The following NADK2 variants were observed in gnomAD, a reference collection of about 807,000 sequenced individuals.
The protein encoded by NADK2 is NAD kinase 2, mitochondrial.
A neutral mutation model predicts 62.1 loss-of-function variants in NADK2; 35 were observed. That is an observed-to-expected ratio of 0.56 (90% CI 0.43 to 0.75). The LOEUF is 0.75. Ranked by LOEUF, NADK2 falls within the 30% of genes least tolerant of loss-of-function variation. The pLI is 0.00. For missense variants in NADK2, 439 were observed against 561.3 expected (o/e 0.78, Z 2.20); for synonymous variants, 205 against 207.9 (o/e 0.99, Z 0.12).
chr5:36,198,897 C>T (rs373309128), intron 10 of NADK2, among the ~76,000 whole-genome samples: 3 of 151,638 alleles, frequency 2.0e-5, no homozygotes, highest in Non-Finnish European at 4.4e-5. Context: ...AACTGTCCCC[C>T]CAACAAAGGA....
chr5:36,195,750 T>A (rs973950998), intron 11 of NADK2, among the ~76,000 whole-genome samples: 5 of 152,154 alleles, frequency 3.3e-5, no homozygotes, highest in Non-Finnish European at 7.4e-5. Context: ...AGGAATCAAC[T>A]CTTACCCAGC....
rs140839688 is a variant in NADK2, at chr5:36,229,735, C to T, written c.301-2170G>A. 9.7e-4 allele frequency among the ~76,000 whole-genome samples: 146 copies of T among 151,220 alleles called. 1 individual carries two copies. Among genetic ancestry groups the T allele is most frequent in the African/African-American group, 3.4e-3 (142 of 41,330 alleles). ...ATTTATTCAACTGCTTATTTGACAT[C>T]TTTCTTTGGCTATCTAACAGGCACC... On this transcript the variant is annotated intron_variant, in intron 1 of 11. Coordinates refer to ENST00000381937, the MANE Select transcript of NADK2 (RefSeq NM_001085411.3).
chr5:36,215,836 A>G (rs1030394581), intron 6 of NADK2, among the ~76,000 whole-genome samples: 3 of 151,930 alleles, frequency 2.0e-5, no homozygotes, highest in South Asian at 4.1e-4. Context: ...TTCCATATTC[A>G]TTTATCTACT....
At chr5:36,215,807 T>A (rs542616865) in intron 6 of NADK2, among the ~76,000 whole-genome samples, 7 of 152,310 alleles carry the variant, frequency 4.6e-5, no homozygotes, top group Non-Finnish European at 7.4e-5. Flanking sequence ...GAGTACTCCA[T>A]TGTGTATATA....
At chr5:36,239,885 T>C (rs572182482) in intron 1 of NADK2, among the ~76,000 whole-genome samples, 1 of 152,288 alleles carries the variant, frequency 6.6e-6, no homozygotes. Flanking sequence ...ACATAGGAAG[T>C]TAACCACACA....
chr5:36,208,030 T>C (rs1300033383), intron 7 of NADK2, among the ~76,000 whole-genome samples: 2 of 152,102 alleles, frequency 1.3e-5, no homozygotes, highest in Non-Finnish European at 2.9e-5. Flanking sequence ...CTTAAAATAA[T>C]GGTGTCACTG....
chr5:36,224,686 A>C (rs970398039), intron 4 of NADK2, among the ~76,000 whole-genome samples: 1 of 152,166 alleles, frequency 6.6e-6, no homozygotes, highest in African/African-American at 2.4e-5. Flanking sequence ...ATTTAGTGGG[A>C]TAAAGTAATA....
At chr5:36,224,295 TGAA>T (rs1231246472) in intron 4 of NADK2, among the ~76,000 whole-genome samples, 1 of 151,952 alleles carries the variant, frequency 6.6e-6, no homozygotes, top group Non-Finnish European at 1.5e-5. Context: ...AAGATAATGA[TGAA>T]GAAACATTTG....
intron 4 of NADK2, among the ~76,000 whole-genome samples, chr5:36,220,520 C>T (rs1294781387): frequency 3.9e-5 from 6 of 152,178 alleles, no homozygotes; most frequent in Admixed American, 3.3e-4. Flanking sequence ...GTGAAGGGCA[C>T]AGAAAAGTGT....
intron 1 of NADK2, among the ~76,000 whole-genome samples, chr5:36,239,511 C>T (rs930706956): frequency 3.4e-4 from 52 of 152,188 alleles, no homozygotes; most frequent in Non-Finnish European, 1.0e-4. Context: ...TGGCTTATCC[C>T]AAACAGCATT....
chr5:36,229,247 T>C (rs990690652), intron 1 of NADK2, among the ~76,000 whole-genome samples: 4 of 152,182 alleles, frequency 2.6e-5, no homozygotes, highest in Non-Finnish European at 4.4e-5. Context: ...AGCATTTGGC[T>C]ATTGTGAAAA....
chr5:36,224,155 C>T (rs1487136942), intron 4 of NADK2, among the ~76,000 whole-genome samples: 3 of 152,072 alleles, frequency 2.0e-5, no homozygotes, highest in African/African-American at 2.4e-5. Flanking sequence ...CTAAGTCCAC[C>T]GCCAAGTGCT....
chr5:36,212,154 A>C (rs2112111279), intron 6 of NADK2: 2 of 333,182 alleles, frequency 6.0e-6, no homozygotes, highest in East Asian at 1.1e-4. Context: ...AATAAACCTT[A>C]ATTCTTCTTG....
chr5:36,219,544 G>T, intron 5 of NADK2, 52 bp downstream of exon 5: 1 of 1,462,866 alleles, frequency 6.8e-7, no homozygotes, highest in South Asian at 1.1e-5. Context: ...CATTATTAAT[G>T]GCACATACTT....
chr5:36,201,662 T>G (rs192484395), intron 8 of NADK2, among the ~76,000 whole-genome samples: 3 of 152,104 alleles, frequency 2.0e-5, no homozygotes, highest in African/African-American at 7.2e-5. Context: ...TGTTGTTTCA[T>G]TTTAAAAACA....
At chr5:36,224,209 T>C (rs1430473263) in intron 4 of NADK2, among the ~76,000 whole-genome samples, 1 of 152,144 alleles carries the variant, frequency 6.6e-6, no homozygotes, top group African/African-American at 2.4e-5. Context: ...ATGATCTTTT[T>C]TTCCCCAGAT....
rs1042422471 is a variant in NADK2, at chr5:36,193,146, C to T, written c.*1998G>A. The stretch of plus-strand genomic sequence containing the variant: ...CAGATCTATTTGGACAATCAGATTT[C>T]CTTGAGATTAAGGATGGAGTTGGCA... On this transcript the variant is annotated 3_prime_UTR_variant, in exon 12 of 12. Coordinates refer to ENST00000381937, the MANE Select transcript of NADK2 (RefSeq NM_001085411.3). The T allele has an allele frequency of 2.0e-5, 3 of 152,074 alleles. No individual in the cohort carries two copies. Among genetic ancestry groups the T allele is most frequent in the Non-Finnish European group, 4.4e-5 (3 of 68,000 alleles). 9.4% of individuals were successfully genotyped at this position (152,074 alleles called of 1,614,324 possible).
chr5:36,218,450 G>A (rs370063565), intron 5 of NADK2, among the ~76,000 whole-genome samples: 66 of 152,210 alleles, frequency 4.3e-4, no homozygotes, highest in African/African-American at 1.4e-3. Flanking sequence ...TCAATGTATC[G>A]AAAGTCAATG....
At position 36,200,213 on chromosome 5, in the gene NADK2, C is replaced by T. The variant is rs567569169; in HGVS notation, c.1066+14G>A. 2 of 1,560,586 alleles carry T rather than the reference C, an allele frequency of 1.3e-6. No homozygotes were observed. The highest frequency in any genetic ancestry group is 1.7e-6 in the Non-Finnish European group (2 of 1,149,006). Reference sequence around the variant, plus strand: ...GAACTAAACTGTTAGTGATTATTATCATTTGTCACTGACCTTTCTCTACCA... The same window carrying T: ...GAACTAAACTGTTAGTGATTATTATTATTTGTCACTGACCTTTCTCTACCA... On this transcript the variant is annotated intron_variant, in intron 10 of 11. Transcript: ENST00000381937.
Sources: gnomAD v4.1 joint callset for allele counts (sites outside exome capture counted in the v4.1 genomes callset) on GRCh38, gnomAD v4.1.1 for gene constraint, MANE v1.5 for transcripts, NCBI Gene and HGNC (gene_info 2026-07-23, HGNC 2026-07-21) for gene names.